The following PRKN variants were observed in gnomAD, a reference collection of about 807,000 sequenced individuals.
PRKN encodes parkin RBR E3 ubiquitin protein ligase, also known as E3 ubiquitin-protein ligase parkin.
Under a neutral mutation model 59.5 loss-of-function variants are expected in PRKN, and 56 were observed. The observed-to-expected ratio is 0.94, with a 90% confidence interval of 0.76 to 1.18. PRKN has a LOEUF of 1.18. PRKN is among the 50% of genes most tolerant of loss of function. The pLI is 0.00. For missense variants in PRKN, 657 were observed against 596.4 expected, an observed-to-expected ratio of 1.10 and a Z score of -1.06; for synonymous variants, 250 against 222.1, an observed-to-expected ratio of 1.13 and a Z score of -1.12.
intron 1 of PRKN, among the ~76,000 whole-genome samples, chr6:162,465,248 G>C (rs891729573): frequency 1.4e-4 from 22 of 152,268 alleles, no homozygotes; most frequent in Middle Eastern, 3.4e-3. Context: ...CTCTCAACTA[G>C]TTCTTATATT....
At chr6:161,679,481 G>T (rs1785218554) in intron 7 of PRKN, among the ~76,000 whole-genome samples, 1 of 151,676 alleles carries the variant, frequency 6.6e-6, no homozygotes, top group African/African-American at 2.4e-5. Context: ...TCCTAGTTAG[G>T]CCTCCCTCCC....
At position 161,525,827 on chromosome 6, in the gene PRKN, T is replaced by A. The variant is rs1283032110; in HGVS notation, c.1083+23027A>T. Among the ~76,000 whole-genome samples, 3 of 152,184 alleles carry A rather than the reference T, an allele frequency of 2.0e-5. No individual in the cohort carries two copies. The highest frequency in any genetic ancestry group is 2.9e-5 in the Non-Finnish European group (2 of 68,040). On this transcript the variant is annotated intron_variant, in intron 9 of 11. Coordinates refer to ENST00000366898, the MANE Select transcript of PRKN (RefSeq NM_004562.3). The surrounding 1 kb of genome is among the most constrained non-coding windows in gnomAD (Gnocchi z 4.7). The stretch of plus-strand genomic sequence containing the variant: ...TATACTACTTGGCTATAGAATAGCC[T>A]ACAGATATAATAAAAAATAATTATT...
At chr6:161,992,660 C>T (rs747856263) in intron 5 of PRKN, among the ~76,000 whole-genome samples, 38 of 152,208 alleles carry the variant, frequency 2.5e-4, no homozygotes, top group East Asian at 1.2e-3. Flanking sequence ...TTCTTCTCAT[C>T]GGCACATGGA....
At chr6:162,440,175 T>C (rs1789986056) in intron 2 of PRKN, among the ~76,000 whole-genome samples, 1 of 152,184 alleles carries the variant, frequency 6.6e-6, no homozygotes, top group South Asian at 2.1e-4. Flanking sequence ...ATAACAAAAC[T>C]GAACAGATGA....
rs1008012591 is a variant in PRKN, at chr6:161,945,447, A to T, written c.734+27855T>A. Reference sequence around the variant, plus strand: ...CCATATATCTGTCTCTTTGAATGACACCAAGTGGATTAATCTTCCTAAAGC... The same window carrying T: ...CCATATATCTGTCTCTTTGAATGACTCCAAGTGGATTAATCTTCCTAAAGC... On this transcript the variant is annotated intron_variant, in intron 6 of 11. Transcript: ENST00000366898. Among the ~76,000 whole-genome samples the T allele has an allele frequency of 2.6e-5, 4 of 152,196 alleles. No homozygotes were observed. In the South Asian group the frequency reaches 6.2e-4, roughly 24 times the overall value.
chr6:161,875,472 C>T (rs1012990477), intron 6 of PRKN, among the ~76,000 whole-genome samples: 1 of 151,992 alleles, frequency 6.6e-6, no homozygotes, highest in African/African-American at 2.4e-5. Context: ...GGATTACAGG[C>T]GTGAGCCACT....
At chr6:162,147,910 T>C (rs1395313008) in intron 4 of PRKN, among the ~76,000 whole-genome samples, 1 of 152,168 alleles carries the variant, frequency 6.6e-6, no homozygotes, top group East Asian at 1.9e-4. Context: ...AAAGAAGTAA[T>C]GTAGACAGTC....
intron 2 of PRKN, among the ~76,000 whole-genome samples, chr6:162,324,441 C>A (rs1783175088): frequency 6.6e-6 from 1 of 152,052 alleles, no homozygotes; most frequent in South Asian, 2.1e-4. Flanking sequence ...GTTGATTATG[C>A]CTCAATAAAT....
intron 3 of PRKN, among the ~76,000 whole-genome samples, chr6:162,244,132 CT>C (rs1779104699): frequency 6.6e-6 from 1 of 152,096 alleles, no homozygotes; most frequent in Non-Finnish European, 1.5e-5. Flanking sequence ...ATTTGTCATT[CT>C]GTTTTGTCTG....
At position 161,462,464 on chromosome 6, in the gene PRKN, T is replaced by C. The variant is rs949560381; in HGVS notation, c.1084-75587A>G. ...AGCTAATGACTAGCTAAATTAGTTATATGGCCCAAAGCAAAGATAAGATGG... is the reference window on the plus strand; with the variant it reads ...AGCTAATGACTAGCTAAATTAGTTACATGGCCCAAAGCAAAGATAAGATGG... On this transcript the variant is annotated intron_variant, in intron 9 of 11. Coordinates refer to ENST00000366898, the MANE Select transcript of PRKN (RefSeq NM_004562.3). The surrounding 1 kb of genome is among the most constrained non-coding windows in gnomAD (Gnocchi z 4.5). Among the ~76,000 whole-genome samples the C allele has an allele frequency of 3.3e-5, 5 of 152,190 alleles. No homozygotes were observed. The highest frequency in any genetic ancestry group is 7.2e-5 in the African/African-American group (3 of 41,430).
At chr6:162,457,138 C>G (rs1486890583) in intron 1 of PRKN, among the ~76,000 whole-genome samples, 2 of 152,082 alleles carry the variant, frequency 1.3e-5, no homozygotes, top group Non-Finnish European at 2.9e-5. Flanking sequence ...GCTTCCAGTA[C>G]TGATTTTGGG....
chr6:162,028,270 T>G (rs1022367071), intron 5 of PRKN, among the ~76,000 whole-genome samples: 18 of 152,230 alleles, frequency 1.2e-4, no homozygotes, highest in Non-Finnish European at 2.4e-4. Flanking sequence ...CCATCAGTTT[T>G]CTATCTTCTA....
At chr6:162,518,495 T>C (rs957564879) in intron 1 of PRKN, among the ~76,000 whole-genome samples, 1 of 152,160 alleles carries the variant, frequency 6.6e-6, no homozygotes, top group African/African-American at 2.4e-5. Context: ...CCTCCTGAGT[T>C]AGCTGGTATT....
At chr6:161,683,826 G>C (rs1025475719) in intron 7 of PRKN, among the ~76,000 whole-genome samples, 1 of 152,128 alleles carries the variant, frequency 6.6e-6, no homozygotes, top group Non-Finnish European at 1.5e-5. Flanking sequence ...AAGGATTGAT[G>C]TGGACAAAGA....
chr6:162,265,049 C>T (rs1780067726), intron 2 of PRKN: 2 of 152,156 alleles, frequency 1.3e-5, no homozygotes, highest in Admixed American at 1.3e-4. Flanking sequence ...CCAATACATA[C>T]AAGAATTCTG....
chr6:161,970,631 G>A (rs767088600), intron 6 of PRKN, among the ~76,000 whole-genome samples: 98 of 151,266 alleles, frequency 6.5e-4, no homozygotes, highest in Non-Finnish European at 1.0e-3. Context: ...TCCACCTCCC[G>A]GATTCGAGTG....
At chr6:161,507,722 T>G (rs1287499452) in intron 9 of PRKN, among the ~76,000 whole-genome samples, 1 of 152,176 alleles carries the variant, frequency 6.6e-6, no homozygotes, top group African/African-American at 2.4e-5. Flanking sequence ...ATATTTTCTG[T>G]CAATTTAATC....
intron 2 of PRKN, among the ~76,000 whole-genome samples, chr6:162,393,728 G>C (rs1787337683): frequency 6.6e-6 from 1 of 152,102 alleles, no homozygotes; most frequent in African/African-American, 2.4e-5. Context: ...ATTTATTTTT[G>C]GATATACATT....
intron 1 of PRKN, among the ~76,000 whole-genome samples, chr6:162,599,381 C>T (rs1781612163): frequency 6.6e-6 from 1 of 152,046 alleles, no homozygotes; most frequent in South Asian, 2.1e-4. Flanking sequence ...ACAAGCAGGA[C>T]AGGTTGAATT....
Sources: gnomAD v4.1 joint callset for allele counts (sites outside exome capture counted in the v4.1 genomes callset) on GRCh38, gnomAD v4.1.1 for gene constraint, Gnocchi (gnomAD v3.1) non-coding constraint, MANE v1.5 for transcripts, NCBI Gene and HGNC (gene_info 2026-07-23, HGNC 2026-07-21) for gene names.